Variants in RORB observed in about 807,000 individuals in gnomAD.
The protein encoded by RORB is RAR related orphan receptor B.
Under a neutral mutation model 59.1 loss-of-function variants are expected in RORB, and 6 were observed. The ratio of observed to expected loss-of-function variants is 0.10; its 90% CI spans 0.06 to 0.20. The LOEUF (loss-of-function observed/expected upper bound fraction) is 0.20, where lower values mean the gene tolerates loss of function less well. Ranked by LOEUF, RORB falls within the 10% of genes least tolerant of loss-of-function variation. RORB has a pLI of 1.00. For synonymous variants in RORB, 215 were observed against 204.5 expected (o/e 1.05, Z -0.44); for missense variants, 320 against 560.5 (o/e 0.57, Z 4.33).
intron 1 of RORB, among the ~76,000 whole-genome samples, chr9:74,606,765 G>T (rs1028378315): frequency 1.3e-5 from 2 of 152,178 alleles, no homozygotes; most frequent in Non-Finnish European, 2.9e-5. Context: ...TTTCTGACAG[G>T]ATTGTTGGGT....
At chr9:74,672,433 A>G (rs889278214) in intron 9 of RORB, among the ~76,000 whole-genome samples, 2 of 152,156 alleles carry the variant, frequency 1.3e-5, no homozygotes, top group Admixed American at 1.3e-4. Flanking sequence ...TGACATTCCT[A>G]CTCAGAGTGC....
intron 3 of RORB, among the ~76,000 whole-genome samples, chr9:74,636,770 G>A (rs1349839939): frequency 6.6e-6 from 1 of 151,970 alleles, no homozygotes; most frequent in East Asian, 1.9e-4. Context: ...GGGGGTGTGG[G>A]TGGGGTGGGG....
chr9:74,584,685 C>G lies in RORB; in HGVS notation c.8-45597C>G, dbSNP rs145323355. On this transcript the variant is annotated intron_variant, in intron 1 of 9. Coordinates refer to ENST00000376896, the MANE Select transcript of RORB (RefSeq NM_006914.4). ...AAAGCCATTAATGGAACACACCCAG[C>G]AAGACTTTAGTTTATTCTATTTGAA... 5.7e-3 allele frequency among the ~76,000 whole-genome samples: 861 copies of G among 152,222 alleles called. 5 individuals are homozygous for G. Among genetic ancestry groups the G allele is most frequent in the Non-Finnish European group, 8.4e-3 (572 of 68,000 alleles).
intron 1 of RORB, among the ~76,000 whole-genome samples, chr9:74,595,033 A>G (rs1211592748): frequency 1.3e-5 from 2 of 152,220 alleles, no homozygotes; most frequent in Non-Finnish European, 2.9e-5. Context: ...TCCTGAAGCC[A>G]TAAATCCAGC....
chr9:74,575,941 C>T (rs190534183), intron 1 of RORB, among the ~76,000 whole-genome samples: 10 of 152,104 alleles, frequency 6.6e-5, no homozygotes, highest in Admixed American at 4.6e-4. Flanking sequence ...AATATTATCA[C>T]GCAGGATTTC....
intron 1 of RORB, among the ~76,000 whole-genome samples, chr9:74,573,409 T>C (rs1322395228): frequency 6.7e-6 from 1 of 149,658 alleles, no homozygotes; most frequent in Non-Finnish European, 1.5e-5. Context: ...CAGGAAGCAC[T>C]GCATTCCCTA....
intron 1 of RORB, chr9:74,615,720 C>A: frequency 2.8e-6 from 1 of 359,678 alleles, no homozygotes. Context: ...CATTTATAAG[C>A]TCTCAGCAAA....
At chr9:74,639,247 T>C (rs1034689987) in intron 3 of RORB, among the ~76,000 whole-genome samples, 4 of 152,212 alleles carry the variant, frequency 2.6e-5, no homozygotes, top group African/African-American at 9.7e-5. Context: ...CTTGTCATGG[T>C]GAGGTGCACA....
intron 1 of RORB, among the ~76,000 whole-genome samples, chr9:74,612,626 C>G (rs574611620): frequency 6.6e-6 from 1 of 152,070 alleles, no homozygotes; most frequent in African/African-American, 2.4e-5. Flanking sequence ...TTCCTGGTTG[C>G]GAGAGCGGGA....
At chr9:74,576,887 G>C (rs1470436672) in intron 1 of RORB, among the ~76,000 whole-genome samples, 1 of 152,088 alleles carries the variant, frequency 6.6e-6, no homozygotes, top group East Asian at 1.9e-4. Flanking sequence ...AACCCATGGG[G>C]AAACCGTGGC....
chr9:74,602,013 C>T (rs545600928), intron 1 of RORB, among the ~76,000 whole-genome samples: 2 of 152,308 alleles, frequency 1.3e-5, no homozygotes, highest in African/African-American at 2.4e-5. Flanking sequence ...GCCAGTCCCA[C>T]ACCGACACTT....
chr9:74,518,308 T>G (rs528734854), intron 1 of RORB, among the ~76,000 whole-genome samples: 1 of 152,116 alleles, frequency 6.6e-6, no homozygotes, highest in South Asian at 2.1e-4. Context: ...TCAAAAACAT[T>G]GCAAAGCATG....
In RORB at chr9:74,520,381, A is replaced by T. The variant is rs1826068555; in HGVS notation, c.7+22398A>T. On this transcript the variant is annotated intron_variant, in intron 1 of 9. Coordinates refer to ENST00000376896, the MANE Select transcript of RORB (RefSeq NM_006914.4). ...GACTGAAAGAAAAAAACAACTTTGA[A>T]AACCTTGAATTCTGAAAATAAGTGT... is the stretch of plus-strand genomic sequence containing the variant. Among the ~76,000 whole-genome samples the T allele has an allele frequency of 4.6e-5, 7 of 151,910 alleles. No homozygotes were observed. The South Asian group carries it at 1.4e-3, about 31-fold the overall frequency.
intron 1 of RORB, among the ~76,000 whole-genome samples, chr9:74,550,018 C>T (rs945834676): frequency 6.6e-6 from 1 of 152,162 alleles, no homozygotes; most frequent in African/African-American, 2.4e-5. Flanking sequence ...TGAGCCCCTG[C>T]GCCCGGCCGA....
intron 1 of RORB, among the ~76,000 whole-genome samples, chr9:74,506,382 A>AT (rs1825870838): frequency 6.6e-6 from 1 of 152,096 alleles, no homozygotes; most frequent in African/African-American, 2.4e-5. Flanking sequence ...ACTCTTAGTA[A>AT]TAAAAACCTG....
intron 1 of RORB, among the ~76,000 whole-genome samples, chr9:74,565,090 T>C (rs955922921): frequency 2.0e-5 from 3 of 152,322 alleles, no homozygotes; most frequent in Middle Eastern, 3.4e-3. Flanking sequence ...AAATTTCCTA[T>C]TGTGTTGTTA....
At chr9:74,659,314 T>C (rs1824140944) in intron 4 of RORB, among the ~76,000 whole-genome samples, 1 of 152,236 alleles carries the variant, frequency 6.6e-6, no homozygotes, top group African/African-American at 2.4e-5. Context: ...CTTTGAGGGC[T>C]GTCCTGGAGA....
intron 1 of RORB, among the ~76,000 whole-genome samples, chr9:74,596,335 A>C (rs943781154): frequency 6.6e-6 from 1 of 152,240 alleles, no homozygotes; most frequent in Non-Finnish European, 1.5e-5. Flanking sequence ...CACCATCAGC[A>C]CAGTCAGATA....
chr9:74,613,464 A>G (rs1028922540), intron 1 of RORB, among the ~76,000 whole-genome samples: 6 of 152,154 alleles, frequency 3.9e-5, no homozygotes, highest in East Asian at 1.9e-4. Flanking sequence ...AATCTATGCC[A>G]TATGTCTCCG....
Sources: allele counts gnomAD v4.1 joint callset (sites outside exome capture counted in the v4.1 genomes callset), GRCh38; gene constraint gnomAD v4.1.1; transcripts MANE v1.5; gene names NCBI Gene and HGNC (gene_info 2026-07-23, HGNC 2026-07-21).